Variants in MBTPS1 observed in about 807,000 individuals in gnomAD.
MBTPS1 encodes membrane-bound transcription factor site-1 protease.
A neutral mutation model predicts 127.8 loss-of-function variants in MBTPS1; 94 were observed. The observed-to-expected ratio is 0.74, with a 90% CI of 0.62 to 0.87. The LOEUF is 0.87. MBTPS1 is among the 40% of genes least tolerant of loss of function. The pLI is 0.00. For synonymous variants in MBTPS1, 632 were observed against 509.4 expected, an observed-to-expected ratio of 1.24 and a Z score of -3.24; for missense variants, 1,636 against 1,353.2, an observed-to-expected ratio of 1.21 and a Z score of -3.28.
intron 12 of MBTPS1, 57 bp downstream of exon 12, chr16:84,074,540 C>G: frequency 6.4e-7 from 1 of 1,571,928 alleles, no homozygotes. Flanking sequence ...GCCTAAAGGT[C>G]TGGGCTGTGT....
In MBTPS1 at chr16:84,068,366, A is replaced by C. The variant is rs1468311479; in HGVS notation, c.2044T>G (p.Phe682Val). The C allele has an allele frequency of 6.2e-7, 1 of 1,614,040 alleles. No individual in the cohort carries two copies. The highest frequency in any genetic ancestry group is 1.1e-5 in the South Asian group (1 of 91,078). ...TACTGACTGGCATCAAAACACGTGA[A>C]GGGGGCCCCGAGGACCTCTACAAAG... The part of the protein sequence containing the change: ...GYFVEVLGAP[F>V]TCFDASQYGT... The change falls in exon 15 of 23, where the codon TTC (phenylalanine) becomes GTC (valine). Residue 682 changes from phenylalanine (F) to valine (V), a missense_variant. Coordinates refer to ENST00000343411, the MANE Select transcript of MBTPS1 (RefSeq NM_003791.4).
rs2151148188 is a variant in MBTPS1, at chr16:84,070,677, A to G, written c.1693T>C (p.Ser565Pro). 1 of 1,614,032 alleles carries G rather than the reference A, an allele frequency of 6.2e-7. No individual in the cohort carries two copies. Among genetic ancestry groups the G allele is most frequent in the Middle Eastern group, 1.7e-4 (1 of 5,992 alleles). The part of the protein sequence containing the change: ...LWPWSGYLAI[S>P]ISVTKKAASW... ...GCCGCTTTCTTGGTCACAGAAATGG[A>G]GATGGCCAGGTAGCCCGACCAAGGC... The change falls in exon 13 of 23, where the codon TCC (serine) becomes CCC (proline). Residue 565 changes from serine to proline, a missense_variant. Physicochemically the swap from Ser to Pro is moderately conservative, Grantham distance 74. Transcript: ENST00000343411.
chr16:84,080,830 AG>A (rs2085929772), intron 11 of MBTPS1, among the ~76,000 whole-genome samples: 1 of 152,202 alleles, frequency 6.6e-6, no homozygotes, highest in African/African-American at 2.4e-5. Flanking sequence ...TATCCTTCAG[AG>A]GCCCTCACTC....
At chr16:84,082,103 C>A (rs2085950592) in intron 10 of MBTPS1, 195 bp from the exon 11 acceptor site, 5 of 393,384 alleles carry the variant, frequency 1.3e-5, no homozygotes, top group Non-Finnish European at 2.2e-5. Context: ...ACTGACCACT[C>A]CGCAACCTTC....
chr16:84,058,432 C>T (rs2085552143), intron 21 of MBTPS1, among the ~76,000 whole-genome samples: 1 of 152,118 alleles, frequency 6.6e-6, no homozygotes, highest in South Asian at 2.1e-4. Context: ...GGAGAGGGGC[C>T]GGGTACCAGG....
At chr16:84,056,185 C>T (rs924692361) in intron 21 of MBTPS1, 50 bp from the exon 22 acceptor site, 2 of 1,499,318 alleles carry the variant, frequency 1.3e-6, no homozygotes, top group Non-Finnish European at 1.9e-6. Context: ...TTGTACTAGT[C>T]TAGGTACTAG....
Position 84,091,885 on chromosome 16 carries a change from A to T in MBTPS1, c.847-37T>A, listed in dbSNP as rs16962792. ...TTATAACAGTCTGCTTAGTGTTTCA[A>T]TCAAGTTTTAAAGTGCTAGGACAGT... On this transcript the variant is annotated intron_variant, in intron 6 of 22. Transcript: ENST00000343411. 3.5e-3 allele frequency: 4,248 copies of T among 1,219,470 alleles called. 102 individuals are homozygous for T. In the African/African-American group the frequency reaches 0.054, roughly 16 times the overall value. 75.5% of individuals were successfully genotyped at this position (1,219,470 alleles called of 1,614,324 possible).
chr16:84,069,270 A>T (rs1043610302), intron 14 of MBTPS1, among the ~76,000 whole-genome samples: 2 of 152,244 alleles, frequency 1.3e-5, no homozygotes, highest in African/African-American at 4.8e-5. Context: ...GCTGCCCTGC[A>T]GGGAACAGGC....
At chr16:84,059,203 T>G in intron 21 of MBTPS1, 99 bp downstream of exon 21, 1 of 1,438,532 alleles carries the variant, frequency 7.0e-7, no homozygotes, top group Non-Finnish European at 9.4e-7. Flanking sequence ...GATCTGACAA[T>G]TCGATAGTGA....
chr16:84,095,338 G>T (rs2086164187), intron 4 of MBTPS1, among the ~76,000 whole-genome samples: 1 of 152,182 alleles, frequency 6.6e-6, no homozygotes, highest in South Asian at 2.1e-4. Flanking sequence ...CTCAGAAATG[G>T]TAACAAAAAT....
intron 1 of MBTPS1, among the ~76,000 whole-genome samples, chr16:84,113,101 T>A (rs1037880781): frequency 2.0e-5 from 3 of 152,160 alleles, no homozygotes; most frequent in Admixed American, 6.5e-5. Context: ...ATCTATCTCC[T>A]ACAAATTGTT....
intron 20 of MBTPS1, 71 bp from the exon 21 acceptor site, chr16:84,059,499 G>A: frequency 7.0e-7 from 1 of 1,426,290 alleles, no homozygotes; most frequent in Non-Finnish European, 9.7e-7. Flanking sequence ...AAAAAGGAGG[G>A]CCTTATTATG....
intron 8 of MBTPS1, among the ~76,000 whole-genome samples, chr16:84,089,343 T>G (rs1198468778): frequency 6.6e-6 from 1 of 152,248 alleles, no homozygotes; most frequent in African/African-American, 2.4e-5. Flanking sequence ...GCAGCTGCTT[T>G]CACACAATAA....
chr16:84,107,414 G>A (rs1406389654), intron 1 of MBTPS1, among the ~76,000 whole-genome samples: 1 of 152,128 alleles, frequency 6.6e-6, no homozygotes, highest in Non-Finnish European at 1.5e-5. Context: ...ACAGGGACAA[G>A]GACACACCCC....
chr16:84,080,044 G>A (rs2085916832), intron 11 of MBTPS1, among the ~76,000 whole-genome samples: 1 of 152,170 alleles, frequency 6.6e-6, no homozygotes, highest in Non-Finnish European at 1.5e-5. Flanking sequence ...ATCCTGTGCT[G>A]CCAGGAAGAC....
intron 4 of MBTPS1, among the ~76,000 whole-genome samples, chr16:84,094,430 T>G (rs1020866680): frequency 3.9e-5 from 6 of 152,094 alleles, no homozygotes; most frequent in African/African-American, 1.4e-4. Flanking sequence ...TCTATAATAG[T>G]AAGTCTATTC....
chr16:84,070,552 G>T (rs1567479018), intron 13 of MBTPS1, 36 bp downstream of exon 13: 4 of 1,602,286 alleles, frequency 2.5e-6, no homozygotes, highest in South Asian at 1.1e-5. Context: ...ATGTCAAACA[G>T]CTAAGAAAAC....
intron 8 of MBTPS1, among the ~76,000 whole-genome samples, chr16:84,087,944 G>C (rs1467508995): frequency 6.6e-6 from 1 of 152,132 alleles, no homozygotes; most frequent in South Asian, 2.1e-4. Context: ...CCAAGGTCAG[G>C]AAGTGGTAAG....
intron 1 of MBTPS1, among the ~76,000 whole-genome samples, chr16:84,113,809 A>G (rs921307354): frequency 3.3e-5 from 5 of 152,242 alleles, no homozygotes; most frequent in African/African-American, 1.2e-4. Flanking sequence ...TTAGACCACG[A>G]AAGGTTACTA....
Sources: allele counts gnomAD v4.1 joint callset (sites outside exome capture counted in the v4.1 genomes callset), GRCh38; gene constraint gnomAD v4.1.1; transcripts MANE v1.5; gene names NCBI Gene and HGNC (gene_info 2026-07-23, HGNC 2026-07-21).